Variants in VPS13B observed in about 807,000 individuals in gnomAD.
VPS13B encodes vacuolar protein sorting 13 homolog B.
In VPS13B, 285 loss-of-function variants were observed where a neutral mutation model predicts 426.4. The ratio of observed to expected loss-of-function variants is 0.67; its 90% CI spans 0.61 to 0.74. The LOEUF (loss-of-function observed/expected upper bound fraction) is 0.74, where lower values mean the gene tolerates loss of function less well. Ranked by LOEUF, VPS13B falls within the 30% of genes least tolerant of loss-of-function variation. The pLI, the probability that VPS13B is intolerant of heterozygous loss-of-function variation, is 0.00. For synonymous variants in VPS13B, 1,676 were observed against 1,676.4 expected, an observed-to-expected ratio of 1.00 and a Z score of 0.01; for missense variants, 4,537 against 4,782.6, an observed-to-expected ratio of 0.95 and a Z score of 1.51.
intron 54 of VPS13B, among the ~76,000 whole-genome samples, chr8:99,840,170 A>G (rs1004182426): frequency 1.3e-5 from 2 of 152,220 alleles, no homozygotes; most frequent in African/African-American, 4.8e-5. Context: ...ACCAGCTATT[A>G]ACTCCCTATG....
intron 30 of VPS13B, among the ~76,000 whole-genome samples, chr8:99,529,339 A>C (rs1016789142): frequency 4.6e-5 from 7 of 152,098 alleles, no homozygotes; most frequent in African/African-American, 9.7e-5. Flanking sequence ...TAAACTCAAT[A>C]ATGTATTGTG....
chr8:99,122,441 A>G (rs1267233861), intron 8 of VPS13B, among the ~76,000 whole-genome samples: 1 of 152,166 alleles, frequency 6.6e-6, no homozygotes, highest in Non-Finnish European at 1.5e-5. Flanking sequence ...TATGCCAGGC[A>G]TGGTGGCTCA....
At chr8:99,180,540 GT>G (rs2132692888) in intron 16 of VPS13B, among the ~76,000 whole-genome samples, 1 of 152,254 alleles carries the variant, frequency 6.6e-6, no homozygotes, top group East Asian at 1.9e-4. Context: ...GAAAATGAAT[GT>G]TTTGGGGAGT....
intron 23 of VPS13B, among the ~76,000 whole-genome samples, chr8:99,447,811 G>A (rs191893665): frequency 4.9e-4 from 74 of 151,762 alleles, no homozygotes; most frequent in African/African-American, 1.7e-3. Context: ...CATATTTATC[G>A]TGTTGCTGTA....
At chr8:99,044,073 TTTC>T (rs1843091335) in intron 3 of VPS13B, among the ~76,000 whole-genome samples, 1 of 112,686 alleles carries the variant, frequency 8.9e-6, no homozygotes, top group Non-Finnish European at 1.9e-5. Context: ...TCTTTTTTTT[TTTC>T]TTTCTTTCTT....
At chr8:99,085,902 T>C (rs1017759218) in intron 3 of VPS13B, among the ~76,000 whole-genome samples, 4 of 152,234 alleles carry the variant, frequency 2.6e-5, no homozygotes, top group Admixed American at 6.5e-5. Flanking sequence ...ATTTCAACTT[T>C]GGTGAATGTG....
intron 8 of VPS13B, among the ~76,000 whole-genome samples, chr8:99,128,428 T>A (rs1408139847): frequency 4.1e-4 from 57 of 138,812 alleles, no homozygotes; most frequent in South Asian, 1.1e-3. Flanking sequence ...AAAAAAAAAA[T>A]TTGTTGTTTC....
Position 99,467,489 on chromosome 8 carries a change from G to A in VPS13B, c.3521G>A (p.Cys1174Tyr), listed in dbSNP as rs1819171069. 6.2e-7 allele frequency: 1 copy of A among 1,613,678 alleles called. No individual in the cohort carries two copies. Among genetic ancestry groups the A allele is most frequent in the African/African-American group, 1.3e-5 (1 of 74,944 alleles). Reference protein sequence around the residue: ...YTLLGKQVTLCLVEPMGCTST... With the variant: ...YTLLGKQVTLYLVEPMGCTST... ...CTTCTTGGAAAACAAGTGACACTTT[G>A]CCTAGTGGAACCTATGGGTTGCACC... The change falls in exon 24 of 62, where the codon TGC becomes TAC. Residue 1174 changes from cysteine (C) to tyrosine (Y), a missense_variant. Cys to Tyr is a radical substitution (Grantham distance 194). Around this residue, in one of 2 missense-constraint regions of VPS13B, gnomAD observed 4,311 missense variants for 4,474.3 expected, o/e 0.96. Transcript: ENST00000357162.
intron 17 of VPS13B, among the ~76,000 whole-genome samples, chr8:99,238,009 T>A (rs930659456): frequency 6.6e-6 from 1 of 152,114 alleles, no homozygotes; most frequent in Non-Finnish European, 1.5e-5. Context: ...GTAATAGGCC[T>A]CTAGGCAGTC....
At chr8:99,740,209 A>C (rs1809628565) in intron 39 of VPS13B, among the ~76,000 whole-genome samples, 1 of 152,230 alleles carries the variant, frequency 6.6e-6, no homozygotes, top group South Asian at 2.1e-4. Flanking sequence ...GATCAACTGG[A>C]AGAAAGGGTA....
chr8:99,543,566 G>A (rs1434680397), intron 30 of VPS13B, among the ~76,000 whole-genome samples: 2 of 151,948 alleles, frequency 1.3e-5, no homozygotes, highest in East Asian at 3.9e-4. Flanking sequence ...CTACTCATCT[G>A]ACAAAGGGCT....
chr8:99,273,653 A>G (rs1818727724), intron 17 of VPS13B, among the ~76,000 whole-genome samples: 1 of 151,972 alleles, frequency 6.6e-6, no homozygotes, highest in Non-Finnish European at 1.5e-5. Flanking sequence ...GGCTGGTGGA[A>G]TGCGCCCGTA....
chr8:99,206,732 T>A (rs1814746202), intron 17 of VPS13B, among the ~76,000 whole-genome samples: 1 of 152,170 alleles, frequency 6.6e-6, no homozygotes, highest in Admixed American at 6.5e-5. Flanking sequence ...TCTTCCCAGG[T>A]GTGCATATAA....
intron 21 of VPS13B, among the ~76,000 whole-genome samples, chr8:99,416,111 G>A (rs1236700389): frequency 6.6e-6 from 1 of 152,224 alleles, no homozygotes; most frequent in Non-Finnish European, 1.5e-5. Context: ...GAGATGCTCT[G>A]CACAGAGAGG....
Position 99,577,595 on chromosome 8 carries a change from A to C in VPS13B, c.5182A>C (p.Asn1728His). Residue 1728 changes from asparagine to histidine, a missense_variant, in exon 33 of 62, where the codon AAT becomes CAT. Coordinates refer to ENST00000357162, the MANE Select transcript of VPS13B (RefSeq NM_152564.5). ...ACTCTTACATCAGTTAATAGTAGCA[A>C]ATATGACTGGACTGGAACCATCAAA... is the stretch of plus-strand genomic sequence containing the variant. ...VQLLHQLIVA[N>H]MTGLEPSNKA... 1.3e-5 allele frequency: 21 copies of C among 1,613,880 alleles called. No individual in the cohort carries two copies. Among genetic ancestry groups the C allele is most frequent in the Non-Finnish European group, 1.7e-5 (20 of 1,179,784 alleles).
At chr8:99,103,252 A>T in intron 5 of VPS13B, 132 bp downstream of exon 5, 1 of 996,594 alleles carries the variant, frequency 1.0e-6, no homozygotes, top group South Asian at 1.3e-5. Context: ...GTGGGAAAAA[A>T]ATGCACATAT....
intron 17 of VPS13B, among the ~76,000 whole-genome samples, chr8:99,202,214 G>A (rs1814372946): frequency 6.6e-6 from 1 of 152,202 alleles, no homozygotes; most frequent in South Asian, 2.1e-4. Context: ...AAGAAAATAG[G>A]ATAATGAATA....
At chr8:99,406,128 ACTT>A (rs1251958923) in intron 21 of VPS13B, among the ~76,000 whole-genome samples, 1 of 151,936 alleles carries the variant, frequency 6.6e-6, no homozygotes, top group Non-Finnish European at 1.5e-5. Flanking sequence ...CAATAAAAAA[ACTT>A]CTGTATTCCC....
rs74749681 is a variant in VPS13B, at chr8:99,473,505, G to A, written c.3666+5871G>A. Among the ~76,000 whole-genome samples, 111 of 152,026 alleles carry A rather than the reference G, an allele frequency of 7.3e-4. 1 individual carries two copies. The East Asian group carries it at 0.02, about 28-fold the overall frequency. ...AAGTCTCAGCAAATTACAAGTAGGAGGTAACATTCTCAAACTGATAGAGAT... is the reference window on the plus strand; with the variant it reads ...AAGTCTCAGCAAATTACAAGTAGGAAGTAACATTCTCAAACTGATAGAGAT... On this transcript the variant is annotated intron_variant, in intron 24 of 61. Transcript: ENST00000357162.
Sources: allele counts gnomAD v4.1 joint callset (sites outside exome capture counted in the v4.1 genomes callset), GRCh38; gene constraint gnomAD v4.1.1; regional missense constraint gnomAD v4.1.1; transcripts MANE v1.5; gene names NCBI Gene and HGNC (gene_info 2026-07-23, HGNC 2026-07-21).